Variants in ANK3 observed in about 807,000 individuals in gnomAD.
ANK3 encodes ankyrin 3.
Under a neutral mutation model 370.9 loss-of-function variants are expected in ANK3, and 57 were observed. That is an observed-to-expected ratio of 0.15 (90% CI 0.12 to 0.19). ANK3 has a LOEUF of 0.19. ANK3 is among the 10% of genes least tolerant of loss of function. The probability of loss-of-function intolerance (pLI) is 1.00; values close to 1 mark genes in which losing one functional copy is unlikely to be tolerated. For missense variants in ANK3, 4,439 were observed against 5,302.1 expected, an observed-to-expected ratio of 0.84 and a Z score of 5.06; for synonymous variants, 1,929 against 1,946.3, an observed-to-expected ratio of 0.99 and a Z score of 0.23.
intron 23 of ANK3, chr10:60,140,036 G>A (rs2094496815): frequency 4.7e-6 from 2 of 421,916 alleles, no homozygotes; most frequent in Admixed American, 4.2e-5. Context: ...AAGTGTACAT[G>A]TTGTGTTTTC....
intron 24 of ANK3, among the ~76,000 whole-genome samples, chr10:60,136,180 A>AAG (rs1210984446): frequency 4.6e-5 from 7 of 151,984 alleles, no homozygotes; most frequent in Admixed American, 2.6e-4. Flanking sequence ...GAAGCTTCCT[A>AAG]AGAGCAGGAA....
At position 60,323,772 on chromosome 10, in the gene ANK3, T is replaced by C. The variant is rs566793612; in HGVS notation, c.115-44133A>G. Among the ~76,000 whole-genome samples, 81 of 152,002 alleles carry C rather than the reference T, an allele frequency of 5.3e-4. 1 individual carries two copies. Among genetic ancestry groups the C allele is most frequent in the Middle Eastern group, 3.4e-3 (1 of 294 alleles). On this transcript the variant is annotated intron_variant, in intron 1 of 43. Coordinates refer to ENST00000280772, the MANE Select transcript of ANK3 (RefSeq NM_020987.5). ...GACTGAGAAAATGTAGCTAGCAAGG[T>C]AGGAAGACAAGCAGGAAAGAGGTGT...
intron 2 of ANK3, among the ~76,000 whole-genome samples, chr10:60,463,115 G>A (rs2064928647): frequency 6.6e-6 from 1 of 152,030 alleles, no homozygotes; most frequent in Admixed American, 6.6e-5. Context: ...CCTTTTTCAA[G>A]CTGGTCTGGA....
chr10:60,370,404 T>C (rs904823876), intron 1 of ANK3, among the ~76,000 whole-genome samples: 5 of 152,172 alleles, frequency 3.3e-5, no homozygotes, highest in Admixed American at 3.3e-4. Context: ...CTTCTAATTT[T>C]CCATTTTTTA....
chr10:60,657,229 C>T (rs2078877086), intron 1 of ANK3, among the ~76,000 whole-genome samples: 1 of 152,176 alleles, frequency 6.6e-6, no homozygotes, highest in Admixed American at 6.5e-5. Context: ...GATCCGCCCC[C>T]ATGATTCAAT....
At chr10:60,547,089 C>CTTTTT (rs5785455) in intron 2 of ANK3, among the ~76,000 whole-genome samples, 2 of 120,778 alleles carry the variant, frequency 1.7e-5, no homozygotes, top group Non-Finnish European at 3.3e-5. Context: ...CAATGCAACT[C>CTTTTT]TTTTTTTTTT....
chr10:60,166,787 C>T (rs747974057), intron 22 of ANK3, 37 bp downstream of exon 22: 12 of 1,603,602 alleles, frequency 7.5e-6, no homozygotes, highest in Non-Finnish European at 1.0e-5. Flanking sequence ...TACACAGTCA[C>T]TTATAATTAT....
intron 2 of ANK3, among the ~76,000 whole-genome samples, chr10:60,430,000 C>T (rs2132975105): frequency 6.6e-6 from 1 of 152,212 alleles, no homozygotes; most frequent in South Asian, 2.1e-4. Flanking sequence ...TATATTTATC[C>T]TATGTGGATG....
At chr10:60,264,503 G>A (rs547156246) in intron 5 of ANK3, among the ~76,000 whole-genome samples, 15 of 151,870 alleles carry the variant, frequency 9.9e-5, no homozygotes, top group African/African-American at 2.9e-4. Context: ...AAAATTGGCC[G>A]AGGGTGGTGG....
chr10:60,227,172 A>G (rs1341235361), intron 8 of ANK3, among the ~76,000 whole-genome samples: 1 of 152,024 alleles, frequency 6.6e-6, no homozygotes, highest in Non-Finnish European at 1.5e-5. Flanking sequence ...TTTAGTAGAT[A>G]TAAATACCTT....
chr10:60,145,267 A>T (rs1565296071), intron 23 of ANK3, among the ~76,000 whole-genome samples: 2 of 152,220 alleles, frequency 1.3e-5, no homozygotes, highest in Non-Finnish European at 2.9e-5. Flanking sequence ...GAATAAAGAG[A>T]AACAGTGTCT....
intron 1 of ANK3, among the ~76,000 whole-genome samples, chr10:60,680,494 C>A (rs1000302088): frequency 6.6e-6 from 1 of 152,188 alleles, no homozygotes; most frequent in African/African-American, 2.4e-5. Flanking sequence ...ACTTCTCTAG[C>A]CTTGCCTAAC....
chr10:60,401,330 A>T (rs978052346), intron 2 of ANK3, among the ~76,000 whole-genome samples: 1 of 152,230 alleles, frequency 6.6e-6, no homozygotes, highest in African/African-American at 2.4e-5. Flanking sequence ...ATAGGCAATG[A>T]TACTAAACTG....
At chr10:60,305,270 T>C (rs1486389531) in intron 1 of ANK3, among the ~76,000 whole-genome samples, 2 of 152,088 alleles carry the variant, frequency 1.3e-5, no homozygotes, top group African/African-American at 4.8e-5. Flanking sequence ...GGAGCACCTT[T>C]GCTTTATCAA....
intron 1 of ANK3, among the ~76,000 whole-genome samples, chr10:60,354,405 A>G (rs1327826545): frequency 6.6e-6 from 1 of 152,242 alleles, no homozygotes; most frequent in Non-Finnish European, 1.5e-5. Flanking sequence ...GATGGATTAC[A>G]TCTTCACCTG....
intron 23 of ANK3, among the ~76,000 whole-genome samples, chr10:60,160,659 T>C (rs1055084337): frequency 6.6e-6 from 1 of 152,064 alleles, no homozygotes; most frequent in Non-Finnish European, 1.5e-5. Context: ...CTTCGAATAC[T>C]AGCAAACCAT....
intron 2 of ANK3, among the ~76,000 whole-genome samples, chr10:60,481,933 G>A (rs540800872): frequency 7.9e-5 from 12 of 152,276 alleles, no homozygotes; most frequent in African/African-American, 2.2e-4. Context: ...CACACTCCCT[G>A]AGCGATATTC....
intron 1 of ANK3, among the ~76,000 whole-genome samples, chr10:60,674,915 A>G (rs1391255270): frequency 6.6e-6 from 1 of 152,236 alleles, no homozygotes; most frequent in East Asian, 1.9e-4. Context: ...TTGTAAGCCA[A>G]TTAAAAAAAA....
intron 2 of ANK3, among the ~76,000 whole-genome samples, chr10:60,400,251 T>G (rs1211908652): frequency 6.6e-6 from 1 of 152,218 alleles, no homozygotes; most frequent in African/African-American, 2.4e-5. Context: ...GCGATATTTG[T>G]GTCTATTTTT....
Sources: allele counts gnomAD v4.1 joint callset (sites outside exome capture counted in the v4.1 genomes callset), GRCh38; gene constraint gnomAD v4.1.1; transcripts MANE v1.5; gene names NCBI Gene and HGNC (gene_info 2026-07-23, HGNC 2026-07-21).